PTGFRN: variants seen among roughly 807,000 people sequenced by gnomAD.
PTGFRN encodes prostaglandin F2 receptor inhibitor.
Under a neutral mutation model 83.2 loss-of-function variants are expected in PTGFRN, and 35 were observed. The observed-to-expected ratio is 0.42, with a 90% confidence interval of 0.32 to 0.56. The LOEUF (loss-of-function observed/expected upper bound fraction) is 0.56. Among genes scored for constraint, PTGFRN ranks in the 20% least tolerant of loss-of-function variants. The pLI is 0.11. For synonymous variants in PTGFRN, 519 were observed against 498.6 expected (o/e 1.04, Z -0.55); for missense variants, 1,051 against 1,179.5 (o/e 0.89, Z 1.60).
At position 116,984,984 on chromosome 1, in the gene PTGFRN, T is replaced by C; in HGVS notation, c.2472T>C (p.Asp824=). 6.2e-7 allele frequency: 1 copy of C among 1,611,110 alleles called. No individual in the cohort carries two copies. Among genetic ancestry groups the C allele is most frequent in the Non-Finnish European group, 8.5e-7 (1 of 1,177,802 alleles). ...SKPVFITVKM[D]VLNAFKYPLL... ...CCGTTTTTATAACTGTGAAGATGGA[T>C]GGTAAGAATGTCACCCAAATTTCTC... The change falls in exon 8 of 9, where the codon GAT becomes GAC. Residue 824 remains aspartate (D), a splice_region_variant and synonymous_variant. Transcript: ENST00000393203.
chr1:116,980,959 A>G (rs1315986785), intron 7 of PTGFRN, among the ~76,000 whole-genome samples: 1 of 152,254 alleles, frequency 6.6e-6, no homozygotes, highest in East Asian at 1.9e-4. Context: ...AATTAATGCT[A>G]TGAAGACATG....
In PTGFRN at chr1:116,983,960, T is replaced by G. The variant is rs547394124; in HGVS notation, c.2168-720T>G. On this transcript the variant is annotated intron_variant, in intron 7 of 8. Coordinates refer to ENST00000393203, the MANE Select transcript of PTGFRN (RefSeq NM_020440.4). ...GAGAATTACCACTTGTGCCAAAGTCTTCTTTCTCTTATGCCCATATTAATT... is the reference window on the plus strand; with the variant it reads ...GAGAATTACCACTTGTGCCAAAGTCGTCTTTCTCTTATGCCCATATTAATT... Among the ~76,000 whole-genome samples the G allele has an allele frequency of 6.6e-5, 10 of 152,360 alleles. No homozygotes were observed. The East Asian group carries it at 1.3e-3, about 21-fold the overall frequency.
intron 3 of PTGFRN, among the ~76,000 whole-genome samples, chr1:116,947,901 T>C (rs1650242181): frequency 6.6e-6 from 1 of 152,218 alleles, no homozygotes; most frequent in Non-Finnish European, 1.5e-5. Flanking sequence ...AACTTTTAAA[T>C]TGCCTTTTCT....
intron 4 of PTGFRN, among the ~76,000 whole-genome samples, chr1:116,953,181 C>T (rs1041985505): frequency 2.6e-5 from 4 of 152,172 alleles, no homozygotes; most frequent in Non-Finnish European, 5.9e-5. Flanking sequence ...GTCTTAAGAA[C>T]CTGATTTGCA....
intron 1 of PTGFRN, among the ~76,000 whole-genome samples, chr1:116,939,933 C>G (rs1650019045): frequency 6.6e-6 from 1 of 152,154 alleles, no homozygotes; most frequent in Non-Finnish European, 1.5e-5. Flanking sequence ...CAAGAGTCAC[C>G]TTTGCTCCAG....
chr1:116,964,075 G>A (rs935978949), intron 5 of PTGFRN, among the ~76,000 whole-genome samples: 4 of 129,282 alleles, frequency 3.1e-5, no homozygotes, highest in East Asian at 2.4e-4. Flanking sequence ...CCACCGTGCC[G>A]GGCGCCCCCC....
chr1:116,939,950 A>G (rs568674757), intron 1 of PTGFRN, among the ~76,000 whole-genome samples: 2 of 152,272 alleles, frequency 1.3e-5, no homozygotes, highest in Non-Finnish European at 2.9e-5. Flanking sequence ...CCAGTTCCCA[A>G]CAAGTTCCTC....
chr1:116,974,289 T>A lies in PTGFRN; in HGVS notation c.2133T>A (p.Cys711Ter). 1 of 1,612,886 alleles carries A rather than the reference T, an allele frequency of 6.2e-7. No individual in the cohort carries two copies. The highest frequency in any genetic ancestry group is 8.5e-7 in the Non-Finnish European group (1 of 1,178,854). The change falls in exon 7 of 9, where the codon TGT (cysteine) becomes TGA (stop). Residue 711 changes from cysteine (C) to a stop codon, truncating the protein, a stop_gained. Coordinates refer to ENST00000393203, the MANE Select transcript of PTGFRN (RefSeq NM_020440.4). LOFTEE classifies it high-confidence loss of function. Reference protein sequence around the residue: ...VIRGDLIKLFCIITVEGAALD... With the variant: ...VIRGDLIKLF ...GGGGAGATCTGATCAAATTGTTCTG[T>A]ATCATCACTGTCGAGGGAGCAGCAC...
In PTGFRN at chr1:116,966,942, A is replaced by C; in HGVS notation, c.1671A>C (p.Pro557=). Residue 557 remains proline (P), a synonymous_variant, in exon 6 of 9, where the codon CCA becomes CCC. Coordinates refer to ENST00000393203, the MANE Select transcript of PTGFRN (RefSeq NM_020440.4). ...DSVLVVKARQ[P]KPFFAAGNTF... ...TGCTTGTGGTGAAGGCGAGGCAGCC[A>C]AAGCCTTTCTTTGCTGCCGGAAATA... The C allele has an allele frequency of 6.2e-7, 1 of 1,609,420 alleles. No homozygotes were observed. Among genetic ancestry groups the C allele is most frequent in the Non-Finnish European group, 8.5e-7 (1 of 1,176,192 alleles).
intron 1 of PTGFRN, among the ~76,000 whole-genome samples, chr1:116,928,262 T>C (rs1051505829): frequency 1.3e-5 from 2 of 152,258 alleles, no homozygotes; most frequent in Non-Finnish European, 1.5e-5. Context: ...GATTGTCAAT[T>C]CTGATATTTC....
intron 5 of PTGFRN, among the ~76,000 whole-genome samples, chr1:116,964,906 T>G (rs2101078794): frequency 6.6e-6 from 1 of 152,376 alleles, no homozygotes; most frequent in Non-Finnish European, 1.5e-5. Flanking sequence ...ATCCCTGGCC[T>G]CCCAGATCGT....
chr1:116,930,201 G>A (rs894650911), intron 1 of PTGFRN, among the ~76,000 whole-genome samples: 9 of 152,352 alleles, frequency 5.9e-5, no homozygotes, highest in Admixed American at 5.2e-4. Flanking sequence ...GAAACAGTAA[G>A]TGTTACTTCA....
At chr1:116,962,392 C>A (rs1240342357) in intron 5 of PTGFRN, 1 of 152,236 alleles carries the variant, frequency 6.6e-6, no homozygotes, top group South Asian at 2.1e-4. Flanking sequence ...TTCTCCCATC[C>A]AGATACTAAC....
At chr1:116,914,709 G>A (rs1348939277) in intron 1 of PTGFRN, among the ~76,000 whole-genome samples, 1 of 151,090 alleles carries the variant, frequency 6.6e-6, no homozygotes, top group African/African-American at 2.4e-5. Flanking sequence ...GACCGTGATC[G>A]CACCACTGCA....
intron 1 of PTGFRN, among the ~76,000 whole-genome samples, chr1:116,933,640 T>C (rs925465887): frequency 1.4e-4 from 21 of 152,208 alleles, no homozygotes; most frequent in Admixed American, 1.2e-3. Flanking sequence ...TCTTTTTCCC[T>C]TGTTGAGAAT....
In PTGFRN at chr1:116,988,276, G is replaced by A. The variant is rs796591210; in HGVS notation, c.*1309G>A. On this transcript the variant is annotated 3_prime_UTR_variant, in exon 9 of 9. Coordinates refer to ENST00000393203, the MANE Select transcript of PTGFRN (RefSeq NM_020440.4). ...CAATTTGCTGTTATGTGAATGGCCTGTAGAGCAGAGTCAAGAGCGGTGTGC... is the reference window on the plus strand; with the variant it reads ...CAATTTGCTGTTATGTGAATGGCCTATAGAGCAGAGTCAAGAGCGGTGTGC... 20 of 152,428 alleles carry A rather than the reference G, an allele frequency of 1.3e-4. No homozygotes were observed. The highest frequency in any genetic ancestry group is 4.8e-4 in the African/African-American group (20 of 41,558). The allele number at this position is 152,428 out of a possible 1,614,324, so 9.4% of individuals were successfully genotyped here. A position where few individuals can be genotyped will look rare whatever the true frequency, so the allele number is the denominator to read the frequency against.
chr1:116,978,193 T>C (rs1651211777), intron 7 of PTGFRN, among the ~76,000 whole-genome samples: 1 of 152,206 alleles, frequency 6.6e-6, no homozygotes, highest in African/African-American at 2.4e-5. Context: ...AATCCCTGAA[T>C]AGACCAATAA....
intron 4 of PTGFRN, among the ~76,000 whole-genome samples, chr1:116,951,670 T>A (rs1199558529): frequency 6.6e-6 from 1 of 151,694 alleles, no homozygotes; most frequent in East Asian, 1.9e-4. Flanking sequence ...TTCTTTTTTT[T>A]TTCTTCCTCT....
Position 116,984,757 on chromosome 1 carries a change from C to T in PTGFRN, c.2245C>T (p.Leu749=). The T allele has an allele frequency of 6.2e-7, 1 of 1,614,120 alleles. No homozygotes were observed. Among genetic ancestry groups the T allele is most frequent in the Non-Finnish European group, 8.5e-7 (1 of 1,180,032 alleles). Residue 749 remains leucine, a synonymous_variant, in exon 8 of 9, where the codon CTG becomes TTG. Coordinates refer to ENST00000393203, the MANE Select transcript of PTGFRN (RefSeq NM_020440.4). ...CAAGGCTCCTGTGCTCCTGTCTTCC[C>T]TGGATCGGAAGGGCATCGTGACCAC... ...LDKAPVLLSS[L]DRKGIVTTSR...
Sources: gnomAD v4.1 joint callset for allele counts (sites outside exome capture counted in the v4.1 genomes callset) on GRCh38, gnomAD v4.1.1 for gene constraint, MANE v1.5 for transcripts, NCBI Gene and HGNC (gene_info 2026-07-23, HGNC 2026-07-21) for gene names.